POLG: variants seen among roughly 807,000 people sequenced by gnomAD.
The protein encoded by POLG is DNA polymerase gamma, catalytic subunit.
Under a neutral mutation model 155.4 loss-of-function variants are expected in POLG, and 110 were observed. The observed-to-expected ratio is 0.71, with a 90% CI of 0.61 to 0.83. The LOEUF (loss-of-function observed/expected upper bound fraction) is 0.83, where lower values mean the gene tolerates loss of function less well. Among genes scored for constraint, POLG ranks in the 40% least tolerant of loss-of-function variants. POLG has a pLI of 0.00. For missense variants in POLG, 1,685 were observed against 1,627.5 expected, an observed-to-expected ratio of 1.04 and a Z score of -0.61; for synonymous variants, 701 against 631.5, an observed-to-expected ratio of 1.11 and a Z score of -1.65.
Position 89,328,761 on chromosome 15 carries a change from C to T in POLG, c.1094G>A (p.Gly365Glu), listed in dbSNP as rs781181789. The T allele has an allele frequency of 1.2e-6, 2 of 1,614,154 alleles. No homozygotes were observed. The highest frequency in any genetic ancestry group is 1.1e-5 in the South Asian group (1 of 91,092). Residue 365 changes from glycine to glutamate, a missense_variant, in exon 5 of 23, where the codon GGG becomes GAG. This residue lies in a region of POLG where 1,210 missense variants were observed against 1,167.1 expected (regional missense o/e 1.04). Transcript: ENST00000268124. Reference sequence around the variant, plus strand: ...AGGCTCCTTCTCTAAGGGAGGCCCCCCTACATAAAGTCTGTGCACCTCTGC... The same window carrying T: ...AGGCTCCTTCTCTAAGGGAGGCCCCTCTACATAAAGTCTGTGCACCTCTGC... ...SLAEVHRLYV[G>E]GPPLEKEPRE...
intron 13 of POLG, 122 bp downstream of exon 13, chr15:89,323,282 C>G (rs952561270): frequency 4.2e-6 from 3 of 719,688 alleles, no homozygotes; most frequent in East Asian, 5.4e-5. Context: ...AAATCACACT[C>G]TGTCCCACTA....
Position 89,322,804 on chromosome 15 carries a change from C to T in POLG, c.2364G>A (p.Gly788=), listed in dbSNP as rs2055415435. The change falls in exon 14 of 23, where the codon GGG becomes GGA. Residue 788 remains glycine, a synonymous_variant. Transcript: ENST00000268124. The stretch of plus-strand genomic sequence containing the variant: ...TTTTGTTGATTTCCAGAGCACGGGG[C>T]CCACTGGCACCTCCTGGGCCAGCCT... ...TLQAGPGGAS[G]PRALEINKMI... 1.2e-6 allele frequency: 2 copies of T among 1,614,124 alleles called. No homozygotes were observed. The highest frequency in any genetic ancestry group is 1.7e-6 in the Non-Finnish European group (2 of 1,180,010).
At chr15:89,317,199 A>C in intron 22 of POLG, 177 bp downstream of exon 22, 1 of 640,770 alleles carries the variant, frequency 1.6e-6, no homozygotes, top group Non-Finnish European at 2.8e-6. Flanking sequence ...TTCATTTCTG[A>C]AACATCATAT....
intron 2 of POLG, 104 bp downstream of exon 2, chr15:89,332,992 G>T: frequency 2.1e-6 from 3 of 1,445,516 alleles, no homozygotes; most frequent in African/African-American, 2.9e-5. Context: ...CGCTCCCTAC[G>T]TGAGCACCCA....
At position 89,321,785 on chromosome 15, in the gene POLG, A is replaced by G. The variant is rs1326241792; in HGVS notation, c.2549T>C (p.Ile850Thr). 1 of 1,613,982 alleles carries G rather than the reference A, an allele frequency of 6.2e-7. No homozygotes were observed. The highest frequency in any genetic ancestry group is 1.3e-5 in the African/African-American group (1 of 74,910). Residue 850 changes from isoleucine to threonine, a missense_variant, in exon 16 of 23, where the codon ATC (isoleucine) becomes ACC (threonine). By Grantham distance (89) the Ile-to-Thr change is moderately conservative. Coordinates refer to ENST00000268124, the MANE Select transcript of POLG (RefSeq NM_002693.3). ...TGTGGGCTCCACAGCCCGGCGAGTG[A>G]TGGTGCCGGCAGTCACCACTTGGGG... The part of the protein sequence containing the change: ...ILPQVVTAGT[I>T]TRRAVEPTWL...
intron 9 of POLG, among the ~76,000 whole-genome samples, chr15:89,326,377 G>A (rs1330591255): frequency 6.6e-6 from 1 of 152,222 alleles, no homozygotes; most frequent in Non-Finnish European, 1.5e-5. Context: ...TACACCCGGT[G>A]GCTGCCACGG....
At position 89,317,510 on chromosome 15, in the gene POLG, A is replaced by C. The variant is rs796052913; in HGVS notation, c.3509T>G (p.Leu1170Arg). 10 of 1,614,162 alleles carry C rather than the reference A, an allele frequency of 6.2e-6. No individual in the cohort carries two copies. The highest frequency in any genetic ancestry group is 3.3e-5 in the Admixed American group (2 of 60,022). ...GGCGACTGACTGGGGCAAGTCATTC[A>C]GACCCAGCTTGTAGGCAAACATGCA... ...TRCMFAYKLG[L>R]NDLPQSVAFF... The change falls in exon 22 of 23, where the codon CTG becomes CGG. Residue 1170 changes from leucine to arginine, a missense_variant. Coordinates refer to ENST00000268124, the MANE Select transcript of POLG (RefSeq NM_002693.3).
In POLG at chr15:89,322,831, C is replaced by A. The variant is rs766945677; in HGVS notation, c.2337G>T (p.Leu779=). 1.9e-6 allele frequency: 3 copies of A among 1,614,042 alleles called. No homozygotes were observed. The highest frequency in any genetic ancestry group is 1.1e-5 in the South Asian group (1 of 91,082). ...CACTGGCACCTCCTGGGCCAGCCTG[C>A]AGGGTGCCATCCTCCATCTTGGGCA... ...DFLPKMEDGT[L]QAGPGGASGP... The change falls in exon 14 of 23, where the codon CTG becomes CTT. Residue 779 remains leucine (L), a synonymous_variant. Coordinates refer to ENST00000268124, the MANE Select transcript of POLG (RefSeq NM_002693.3).
At position 89,321,967 on chromosome 15, in the gene POLG, C is replaced by A; in HGVS notation, c.2475G>T (p.Val825=). The change falls in exon 15 of 23, where the codon GTG becomes GTT. Residue 825 remains valine (V), a synonymous_variant. Coordinates refer to ENST00000268124, the MANE Select transcript of POLG (RefSeq NM_002693.3). The part of the protein sequence containing the change: ...WLPRSALPRA[V]IRHPDYDEEG... Reference sequence around the variant, plus strand: ...AACCACTCAGCAGACCATACCTGATCACAGCACGGGGCAGAGCTGACCTGG... The same window carrying A: ...AACCACTCAGCAGACCATACCTGATAACAGCACGGGGCAGAGCTGACCTGG... 1.2e-6 allele frequency: 2 copies of A among 1,614,122 alleles called. No individual in the cohort carries two copies. The highest frequency in any genetic ancestry group is 1.1e-5 in the South Asian group (1 of 91,080).
In POLG at chr15:89,321,776, CG is replaced by C; in HGVS notation, c.2557del (p.Arg853GlyfsTer18). 6.2e-7 allele frequency: 1 copy of C among 1,614,098 alleles called. No homozygotes were observed. Among genetic ancestry groups the C allele is most frequent in the Non-Finnish European group, 8.5e-7 (1 of 1,180,014 alleles). On this transcript the variant is annotated frameshift_variant, in exon 16 of 23. Transcript: ENST00000268124. LOFTEE classifies it high-confidence loss of function. ...GGTGAGCCATGTGGGCTCCACAGCC[CG>C]GCGAGTGATGGTGCCGGCAGTCACC... ...QVVTAGTITRRAVEPTWLTAS... is the reference protein window; with the variant it reads ...QVVTAGTITRXAVEPTWLTAS...
rs752500882 is a variant in POLG at position 89,319,400 on chromosome 15, C to T, written c.2982-50G>A. 132 of 1,608,890 alleles carry T rather than the reference C, an allele frequency of 8.2e-5. No individual in the cohort carries two copies. The highest frequency in any genetic ancestry group is 3.8e-4 in the East Asian group (17 of 44,878). On this transcript the variant is annotated intron_variant, in intron 18 of 22. Transcript: ENST00000268124. ...TTCCACGGGAGTGCTTCCTGTGCCA[C>T]GCTAGTGCCTTGGCAAGGAATGTTC...
Position 89,324,243 on chromosome 15 carries a change from T to C in POLG, c.1950-16A>G, listed in dbSNP as rs1310096810. The C allele has an allele frequency of 1.1e-5, 17 of 1,610,250 alleles. No homozygotes were observed. The highest frequency in any genetic ancestry group is 1.2e-5 in the Non-Finnish European group (14 of 1,179,912). ...CTCGATGGCTCTGGGCAGAGAACAG[T>C]AGCAGCAGCAGCCGCTGATTACCAG... On this transcript the variant is annotated splice_polypyrimidine_tract_variant and intron_variant, in intron 10 of 22. Transcript: ENST00000268124.
intron 2 of POLG, among the ~76,000 whole-genome samples, chr15:89,330,873 G>T (rs1452271710): frequency 6.9e-6 from 1 of 145,558 alleles, no homozygotes; most frequent in African/African-American, 2.5e-5. Flanking sequence ...GAAAGTGCCA[G>T]AATGAGAAAA....
rs41547513 is a variant in POLG at position 89,332,734 on chromosome 15, T to G, written c.659+362A>C. ...CCAAAATAATTAATAGCTCCCCAAA[T>G]AGAAACACTGTTCAAATGACTTTTC... On this transcript the variant is annotated intron_variant, in intron 2 of 22. Coordinates refer to ENST00000268124, the MANE Select transcript of POLG (RefSeq NM_002693.3). Among the ~76,000 whole-genome samples, 648 of 152,242 alleles carry G rather than the reference T, an allele frequency of 4.3e-3. 4 individuals are homozygous for G. The highest frequency in any genetic ancestry group is 7.2e-3 in the South Asian group (35 of 4,828).
chr15:89,333,661 CG>C lies in POLG; in HGVS notation c.93del (p.Ala32ArgfsTer234). 6.4e-7 allele frequency: 1 copy of C among 1,567,196 alleles called. No homozygotes were observed. On this transcript the variant is annotated frameshift_variant, in exon 2 of 23. Transcript: ENST00000268124. LOFTEE classifies it high-confidence loss of function. ...CGCTGCCCGTCGCTGGGGTCGGACG[CG>C]GGGACGGAGCTGGAGACCCAGCGCC... ...APGRWVSSSVPASDPSDGQRR... is the reference protein window; with the variant it reads ...APGRWVSSSVXASDPSDGQRR...
chr15:89,332,851 G>A (rs1054234530), intron 2 of POLG, among the ~76,000 whole-genome samples: 4 of 152,118 alleles, frequency 2.6e-5, no homozygotes, highest in African/African-American at 9.7e-5. Flanking sequence ...CATGTACAGC[G>A]CTCTACTGTG....
intron 10 of POLG, among the ~76,000 whole-genome samples, chr15:89,325,131 A>AGAGTGAGTGAGTGAGTGAGTGAGTGAGT (rs879593305): frequency 2.2e-5 from 1 of 44,646 alleles, no homozygotes; most frequent in Admixed American, 2.1e-4. Flanking sequence ...AGTGAGTGAG[A>AGAGTGAGTGAGTGAGTGAGTGAGTGAGT]GAGTGAGTGA....
At position 89,316,790 on chromosome 15, in the gene POLG, G is replaced by A. The variant is rs1223012908; in HGVS notation, c.3681C>T (p.Thr1227=). The A allele has an allele frequency of 6.2e-7, 1 of 1,613,948 alleles. No individual in the cohort carries two copies. Among genetic ancestry groups the A allele is most frequent in the Admixed American group, 1.7e-5 (1 of 60,022 alleles). ...GGCTTCGTTTTTCCAAGGAGCCTTT[G>A]GTGAGTTCAATTATCTGGTAAATAT... ...ALDIYQIIEL[T]KGSLEKRSQP... is the part of the protein sequence containing the mutation. The change falls in exon 23 of 23, where the codon ACC becomes ACT. Residue 1227 remains threonine, a synonymous_variant. Transcript: ENST00000268124.
At position 89,317,150 on chromosome 15, in the gene POLG, G is replaced by T. The variant is rs1860022; in HGVS notation, c.3643+226C>A. 8 of 604,066 alleles carry T rather than the reference G, an allele frequency of 1.3e-5. No homozygotes were observed. The African/African-American group carries it at 1.5e-4, about 11-fold the overall frequency. The allele number at this position is 604,066 out of a possible 1,614,324, so 37.4% of individuals were successfully genotyped here. On this transcript the variant is annotated intron_variant, in intron 22 of 22. Transcript: ENST00000268124. ...AAACATTTCTTCTGTGGTTGAAGTA[G>T]GGGACAGGTACAGGTAGAATATTTG...
Sources: allele counts gnomAD v4.1 joint callset (sites outside exome capture counted in the v4.1 genomes callset), GRCh38; gene constraint gnomAD v4.1.1; regional missense constraint gnomAD v4.1.1; transcripts MANE v1.5; gene names NCBI Gene and HGNC (gene_info 2026-07-23, HGNC 2026-07-21).